ITFG1: variants seen among roughly 807,000 people sequenced by gnomAD.
ITFG1 encodes T-cell immunomodulatory protein.
A neutral mutation model predicts 81.8 loss-of-function variants in ITFG1; 34 were observed. The ratio of observed to expected loss-of-function variants is 0.42; its 90% CI spans 0.32 to 0.55. The LOEUF is 0.55. Among genes scored for constraint, ITFG1 ranks in the 20% least tolerant of loss-of-function variants. The probability of loss-of-function intolerance (pLI) is 0.17; values close to 1 mark genes in which losing one functional copy is unlikely to be tolerated. For synonymous variants in ITFG1, 285 were observed against 270.6 expected (o/e 1.05, Z -0.52); for missense variants, 672 against 755.4 (o/e 0.89, Z 1.29).
At chr16:47,355,283 G>C (rs1968022870) in intron 8 of ITFG1, among the ~76,000 whole-genome samples, 1 of 152,100 alleles carries the variant, frequency 6.6e-6, no homozygotes, top group Admixed American at 6.5e-5. Context: ...AGTGAAATAA[G>C]CCAGACCCAG....
At chr16:47,441,933 A>G (rs2151614916) in intron 5 of ITFG1, among the ~76,000 whole-genome samples, 1 of 152,346 alleles carries the variant, frequency 6.6e-6, no homozygotes, top group Admixed American at 6.5e-5. Context: ...AGAAAACCCC[A>G]TCGTCTCAGC....
intron 5 of ITFG1, among the ~76,000 whole-genome samples, chr16:47,431,922 A>G (rs1488900731): frequency 2.0e-5 from 3 of 152,072 alleles, no homozygotes; most frequent in Non-Finnish European, 2.9e-5. Flanking sequence ...GAATTCCCCC[A>G]TTTACCAAGG....
intron 6 of ITFG1, among the ~76,000 whole-genome samples, chr16:47,401,784 T>C (rs556747717): frequency 6.6e-6 from 1 of 152,324 alleles, no homozygotes; most frequent in African/African-American, 2.4e-5. Flanking sequence ...TCTGGAGTCA[T>C]GACTTAAAGC....
intron 6 of ITFG1, among the ~76,000 whole-genome samples, chr16:47,412,091 G>A (rs2151603345): frequency 6.6e-6 from 1 of 152,122 alleles, no homozygotes; most frequent in South Asian, 2.1e-4. Flanking sequence ...GGGAAATACA[G>A]AACATAAAAA....
rs1399065905 is a variant in ITFG1 at position 47,454,126 on chromosome 16, G to A, written c.314C>T (p.Pro105Leu). 6.2e-7 allele frequency: 1 copy of A among 1,607,126 alleles called. No homozygotes were observed. The highest frequency in any genetic ancestry group is 8.5e-7 in the Non-Finnish European group (1 of 1,175,122). The change falls in exon 3 of 18, where the codon CCT becomes CTT. Residue 105 changes from proline to leucine, a missense_variant. Around this residue, in one of 3 missense-constraint regions of ITFG1, gnomAD observed 560 missense variants for 625.7 expected, o/e 0.90. Transcript: ENST00000320640. ...TTGAGAATCTCCATCATAATCCCCA[G>A]GGACTACACTTGTTATCAATGCACT... ...NHSALITSVV[P>L]GDYDGDSQMD...
chr16:47,306,533 CTTA>C (rs1397726126), intron 10 of ITFG1, among the ~76,000 whole-genome samples: 1 of 151,902 alleles, frequency 6.6e-6, no homozygotes, highest in African/African-American at 2.4e-5. Context: ...AATGAAACCA[CTTA>C]TTATCAAAAT....
intron 10 of ITFG1, among the ~76,000 whole-genome samples, chr16:47,277,440 A>G (rs1436064097): frequency 2.6e-5 from 4 of 152,136 alleles, no homozygotes; most frequent in South Asian, 4.1e-4. Flanking sequence ...CACGAATACT[A>G]TATTTTCCAT....
chr16:47,179,603 A>G (rs1965076168), intron 14 of ITFG1, among the ~76,000 whole-genome samples: 1 of 152,002 alleles, frequency 6.6e-6, no homozygotes, highest in Non-Finnish European at 1.5e-5. Context: ...TAATTTTTTG[A>G]TATGTAAAAT....
In ITFG1 at chr16:47,216,904, C is replaced by T. The variant is rs184343334; in HGVS notation, c.1453+1964G>A. Among the ~76,000 whole-genome samples the T allele has an allele frequency of 4.1e-3, 620 of 152,248 alleles. 30 individuals are homozygous for T. In the South Asian group the frequency reaches 0.097, roughly 24 times the overall value. On this transcript the variant is annotated intron_variant, in intron 14 of 17. Transcript: ENST00000320640. The stretch of plus-strand genomic sequence containing the variant: ...AACTCCTGACCTCAAGTGAACCACC[C>T]GCCTTGGTCTCCCAAAGTGGTGGGA...
At chr16:47,191,623 C>T (rs1228523304) in intron 14 of ITFG1, among the ~76,000 whole-genome samples, 1 of 152,176 alleles carries the variant, frequency 6.6e-6, no homozygotes, top group African/African-American at 2.4e-5. Flanking sequence ...ATTCTCCTGC[C>T]TCAGCCTCCC....
intron 7 of ITFG1, among the ~76,000 whole-genome samples, chr16:47,375,505 A>AAAAATAT (rs1292452161): frequency 5.9e-5 from 9 of 152,280 alleles, no homozygotes; most frequent in Middle Eastern, 3.4e-3. Flanking sequence ...TATAAGCCTA[A>AAAAATAT]AGGCAAAGGG....
Position 47,231,438 on chromosome 16 carries a change from CTT to C in ITFG1, c.1374+6525_1374+6526del, listed in dbSNP as rs1342482384. ...ATCAGAAAACAGGAATATAAATACT[CTT>C]TTGATTCACAGATATTTATGATAGC... On this transcript the variant is annotated intron_variant, in intron 13 of 17. Coordinates refer to ENST00000320640, the MANE Select transcript of ITFG1 (RefSeq NM_030790.5). Among the ~76,000 whole-genome samples, 8 of 152,280 alleles carry C rather than the reference CTT, an allele frequency of 5.3e-5. No homozygotes were observed. The East Asian group carries it at 1.3e-3, about 26-fold the overall frequency.
intron 13 of ITFG1, among the ~76,000 whole-genome samples, chr16:47,226,976 A>G (rs1293264296): frequency 6.6e-6 from 1 of 152,230 alleles, no homozygotes; most frequent in Non-Finnish European, 1.5e-5. Context: ...AAGTAATGTC[A>G]GTAGATATAT....
At chr16:47,280,915 G>A (rs538607589) in intron 10 of ITFG1, among the ~76,000 whole-genome samples, 3 of 152,044 alleles carry the variant, frequency 2.0e-5, no homozygotes, top group South Asian at 4.2e-4. Context: ...AACTCCATGG[G>A]GACAAAAAAG....
chr16:47,458,969 C>T (rs1252614886), intron 2 of ITFG1, 134 bp downstream of exon 2: 4 of 555,814 alleles, frequency 7.2e-6, no homozygotes, highest in African/African-American at 5.7e-5. Context: ...AAATCACTTG[C>T]TACTCATACC....
At chr16:47,284,988 A>T (rs1272635477) in intron 10 of ITFG1, among the ~76,000 whole-genome samples, 1 of 152,170 alleles carries the variant, frequency 6.6e-6, no homozygotes, top group Admixed American at 6.5e-5. Flanking sequence ...ATTACTCTAC[A>T]CATGTCAAGT....
intron 14 of ITFG1, among the ~76,000 whole-genome samples, chr16:47,191,497 C>A (rs1035773935): frequency 3.3e-5 from 5 of 151,942 alleles, no homozygotes; most frequent in African/African-American, 1.2e-4. Flanking sequence ...CCAGGGAAGC[C>A]AAAAGATTGG....
chr16:47,418,612 T>G (rs1365983211), intron 6 of ITFG1, among the ~76,000 whole-genome samples: 1 of 152,186 alleles, frequency 6.6e-6, no homozygotes, highest in Non-Finnish European at 1.5e-5. Flanking sequence ...TGTACAGTTT[T>G]CCCAGCACTA....
chr16:47,307,093 CA>C (rs371103697), intron 10 of ITFG1, among the ~76,000 whole-genome samples: 100 of 16,452 alleles, frequency 6.1e-3, no homozygotes, highest in Admixed American at 8.9e-3. Context: ...AACTCCGTCT[CA>C]AAAAAAAAAA....
Sources: allele counts gnomAD v4.1 joint callset (sites outside exome capture counted in the v4.1 genomes callset), GRCh38; gene constraint gnomAD v4.1.1; regional missense constraint gnomAD v4.1.1; transcripts MANE v1.5; gene names NCBI Gene and HGNC (gene_info 2026-07-23, HGNC 2026-07-21).